KLK7: variants seen among roughly 807,000 people sequenced by gnomAD.
KLK7 encodes the protein kallikrein-7.
Under a neutral mutation model 21.0 loss-of-function variants are expected in KLK7, and 17 were observed. The observed-to-expected ratio is 0.81, with a 90% CI of 0.55 to 1.21. The LOEUF (loss-of-function observed/expected upper bound fraction) is 1.21. Among genes scored for constraint, KLK7 ranks in the 50% most tolerant of loss-of-function variants. The pLI, the probability that KLK7 is intolerant of heterozygous loss-of-function variation, is 0.00. For missense variants in KLK7, 330 were observed against 322.8 expected, an observed-to-expected ratio of 1.02 and a Z score of -0.17; for synonymous variants, 151 against 134.6, an observed-to-expected ratio of 1.12 and a Z score of -0.85.
chr19:50,977,534 C>T lies in KLK7; in HGVS notation c.*2G>A, dbSNP rs112139149. ...CACACAGTTAATTAACTCAGTGTGGCGTTAGCGATGCTTTTTCATGGTGTC... is the reference window on the plus strand; with the variant it reads ...CACACAGTTAATTAACTCAGTGTGGTGTTAGCGATGCTTTTTCATGGTGTC... On this transcript the variant is annotated 3_prime_UTR_variant, in exon 6 of 6. Coordinates refer to ENST00000595820, the MANE Select transcript of KLK7 (RefSeq NM_005046.4). 2,083 of 1,613,362 alleles carry T rather than the reference C, an allele frequency of 1.3e-3. 20 individuals are homozygous for T. The African/African-American group carries it at 0.014, about 11-fold the overall frequency.
chr19:50,981,648 G>GGGT, intron 3 of KLK7, 119 bp downstream of exon 3: 4 of 955,342 alleles, frequency 4.2e-6, no homozygotes. Context: ...CCAGAGAGAG[G>GGGT]AGGACAGAGA....
chr19:50,982,744 C>T (rs1211365210), intron 1 of KLK7, among the ~76,000 whole-genome samples: 1 of 151,224 alleles, frequency 6.6e-6, no homozygotes, highest in Non-Finnish European at 1.5e-5. Context: ...GACCCTAGCA[C>T]CTTCCTCCCT....
chr19:50,978,618 A>AG (rs148672932), intron 5 of KLK7, among the ~76,000 whole-genome samples: 6,230 of 59,380 alleles, frequency 0.1, 304 homozygotes, highest in East Asian at 0.35. Context: ...ACAAAGAGAA[A>AG]GGGGGGGAAG....
intron 5 of KLK7, among the ~76,000 whole-genome samples, chr19:50,978,311 A>G (rs1055483733): frequency 1.6e-4 from 24 of 152,048 alleles, no homozygotes; most frequent in African/African-American, 5.1e-4. Context: ...CATCTCCTCT[A>G]TCCCTAACAC....
In KLK7 at chr19:50,977,521, T is replaced by G. The variant is rs1164051250; in HGVS notation, c.*15A>C. 6.2e-7 allele frequency: 1 copy of G among 1,611,992 alleles called. No individual in the cohort carries two copies. Among genetic ancestry groups the G allele is most frequent in the East Asian group, 2.2e-5 (1 of 44,840 alleles). On this transcript the variant is annotated 3_prime_UTR_variant, in exon 6 of 6. Transcript: ENST00000595820. Reference sequence around the variant, plus strand: ...TTTCTGTTGGAAGCACACAGTTAATTAACTCAGTGTGGCGTTAGCGATGCT... The same window carrying G: ...TTTCTGTTGGAAGCACACAGTTAATGAACTCAGTGTGGCGTTAGCGATGCT...
chr19:50,983,921 C>T (rs1380704729), upstream of KLK7: 20 of 1,288,816 alleles, frequency 1.6e-5, no homozygotes, highest in Non-Finnish European at 2.0e-5. Flanking sequence ...AATCTTCATC[C>T]CTCTGCTGGG....
At chr19:50,978,106 C>G (rs1348591445) in intron 5 of KLK7, among the ~76,000 whole-genome samples, 1 of 152,158 alleles carries the variant, frequency 6.6e-6, no homozygotes, top group Non-Finnish European at 1.5e-5. Context: ...GGACTTGGTG[C>G]AAAACGAAAA....
chr19:50,983,986 A>T (rs1333800676), upstream of KLK7: 15 of 1,224,024 alleles, frequency 1.2e-5, no homozygotes, highest in Non-Finnish European at 1.6e-5. Flanking sequence ...CCTGGGGTGC[A>T]GGCGGAGCCG....
At chr19:50,978,683 A>C (rs896995396) in intron 5 of KLK7, among the ~76,000 whole-genome samples, 1 of 145,598 alleles carries the variant, frequency 6.9e-6, no homozygotes. Flanking sequence ...ACTGGAAGAG[A>C]GGAGGAGAAT....
chr19:50,980,286 T>G lies in KLK7; in HGVS notation c.423A>C (p.Gly141=). The stretch of plus-strand genomic sequence containing the variant: ...CCCAGCCGGAGACAGTACAGGTGGT[T>G]CCAGGGGGTTCGCAGCGGGAGGGCA... ...VRLPSRCEPP[G]TTCTVSGWGT... is the part of the protein sequence containing the mutation. The change falls in exon 4 of 6, where the codon GGA becomes GGC. Residue 141 remains glycine, a synonymous_variant. Transcript: ENST00000595820. 1 of 1,613,964 alleles carries G rather than the reference T, an allele frequency of 6.2e-7. No individual in the cohort carries two copies. The highest frequency in any genetic ancestry group is 8.5e-7 in the Non-Finnish European group (1 of 1,179,944).
chr19:50,977,769 G>C (rs113446404), intron 5 of KLK7, 78 bp from the exon 6 acceptor site: 1 of 1,453,736 alleles, frequency 6.9e-7, no homozygotes. Context: ...CTCAGTTATC[G>C]GTCTTTGTCT....
Position 50,979,791 on chromosome 19 carries a change from G to C in KLK7, c.603C>G (p.Cys201Trp). ...GAATTGGGGGGGAGGGTCTCACATT[G>C]CAGGCGTTTTTCTTGGAGTCGGGGA... ...AGIPDSKKNACNGDSGGPLVC... is the reference protein window; with the variant it reads ...AGIPDSKKNAWNGDSGGPLVC... Residue 201 changes from cysteine to tryptophan, a missense_variant, in exon 5 of 6, where the codon TGC becomes TGG. By Grantham distance (215) the Cys-to-Trp change is radical (BLOSUM62 -2). Coordinates refer to ENST00000595820, the MANE Select transcript of KLK7 (RefSeq NM_005046.4). 1 of 1,569,752 alleles carries C rather than the reference G, an allele frequency of 6.4e-7. No homozygotes were observed. The highest frequency in any genetic ancestry group is 8.6e-7 in the Non-Finnish European group (1 of 1,156,172).
chr19:50,978,064 G>C (rs1172251924), intron 5 of KLK7, among the ~76,000 whole-genome samples: 2 of 152,242 alleles, frequency 1.3e-5, no homozygotes, highest in Non-Finnish European at 2.9e-5. Flanking sequence ...TGGTCTCGGA[G>C]ACCAGGGTGA....
At chr19:50,978,948 G>A (rs2091056577) in intron 5 of KLK7, among the ~76,000 whole-genome samples, 1 of 151,770 alleles carries the variant, frequency 6.6e-6, no homozygotes, top group South Asian at 2.1e-4. Flanking sequence ...GCAAGAGAAA[G>A]AGGGAGAAGA....
chr19:50,982,288 G>A (rs145361666), intron 2 of KLK7, 39 bp downstream of exon 2: 3 of 1,593,298 alleles, frequency 1.9e-6, no homozygotes, highest in Admixed American at 1.8e-5. Context: ...GTCAGTGGGG[G>A]CCCTGAGGTG....
rs147964340 is a variant in KLK7 at position 50,977,353 on chromosome 19, G to A, written c.*183C>T. The A allele has an allele frequency of 6.5e-6, 4 of 614,032 alleles. No homozygotes were observed. Among genetic ancestry groups the A allele is most frequent in the South Asian group, 2.0e-5 (1 of 49,438 alleles). The allele number at this position is 614,032 out of a possible 1,614,324, so 38.0% of individuals were successfully genotyped here. A position where few individuals can be genotyped will look rare whatever the true frequency, so the allele number is the denominator to read the frequency against. On this transcript the variant is annotated 3_prime_UTR_variant, in exon 6 of 6. Coordinates refer to ENST00000595820, the MANE Select transcript of KLK7 (RefSeq NM_005046.4). ...TCTTCTCCAGCACTGAGGGTTTTGT[G>A]TTTCTTTATTTGTTTTGGTTTTAGG...
intron 3 of KLK7, among the ~76,000 whole-genome samples, chr19:50,981,193 A>AG (rs2091081075): frequency 7.7e-6 from 1 of 130,218 alleles, no homozygotes; most frequent in South Asian, 2.9e-4. Context: ...AGGGACAGAG[A>AG]CCAGAGAGAG....
intron 5 of KLK7, 122 bp downstream of exon 5, chr19:50,979,666 G>A: frequency 1.1e-6 from 1 of 946,488 alleles, no homozygotes; most frequent in South Asian, 1.6e-5. Context: ...AAGCTGAGGA[G>A]GCCAGGCCTG....
intron 1 of KLK7, among the ~76,000 whole-genome samples, chr19:50,983,498 A>G (rs1272903652): frequency 4.3e-5 from 3 of 69,638 alleles, no homozygotes; most frequent in East Asian, 4.6e-4. Flanking sequence ...AGGAGTCGAG[A>G]CCCCCAGCCC....
Sources: gnomAD v4.1 joint callset for allele counts (sites outside exome capture counted in the v4.1 genomes callset) on GRCh38, gnomAD v4.1.1 for gene constraint, MANE v1.5 for transcripts, NCBI Gene and HGNC (gene_info 2026-07-23, HGNC 2026-07-21) for gene names.